Variants in CSMD2 observed in about 807,000 individuals in gnomAD.
CSMD2 encodes the protein CUB and sushi domain-containing protein 2.
A neutral mutation model predicts 398.5 loss-of-function variants in CSMD2; 130 were observed. The ratio of observed to expected loss-of-function variants is 0.33; its 90% CI spans 0.28 to 0.38. The LOEUF (loss-of-function observed/expected upper bound fraction) is 0.38, where lower values mean the gene tolerates loss of function less well. Ranked by LOEUF, CSMD2 falls within the 10% of genes least tolerant of loss-of-function variation. CSMD2 has a pLI of 1.00. For synonymous variants in CSMD2, 1,828 were observed against 1,908.5 expected (o/e 0.96, Z 1.10); for missense variants, 3,829 against 4,764.9 (o/e 0.80, Z 5.78).
Position 33,772,577 on chromosome 1 carries a change from C to A in CSMD2, c.1838G>T (p.Gly613Val). The A allele has an allele frequency of 6.2e-7, 1 of 1,613,148 alleles. No homozygotes were observed. Among genetic ancestry groups the A allele is most frequent in the Non-Finnish European group, 8.5e-7 (1 of 1,179,368 alleles). ...CCTCCCTGCTCACTTACACACGCAG[C>A]CTGGCTTCTTAGCCGACCATTGGTT... ...KNNQWSAKKP[G>V]CVFSCFFNFT... The change falls in exon 13 of 71, where the codon GGC becomes GTC. Residue 613 changes from glycine to valine, a missense_variant. Gly to Val is a moderately radical substitution (Grantham distance 109). Coordinates refer to ENST00000373381, the MANE Select transcript of CSMD2 (RefSeq NM_001281956.2).
At chr1:33,796,911 T>C (rs1375697176) in intron 10 of CSMD2, among the ~76,000 whole-genome samples, 1 of 152,166 alleles carries the variant, frequency 6.6e-6, no homozygotes, top group Non-Finnish European at 1.5e-5. Flanking sequence ...GTCTGTCTTA[T>C]GTGGTTGAGA....
intron 41 of CSMD2, among the ~76,000 whole-genome samples, chr1:33,607,672 G>A (rs1404272816): frequency 6.6e-6 from 1 of 152,230 alleles, no homozygotes; most frequent in African/African-American, 2.4e-5. Flanking sequence ...AATAGGGGTG[G>A]AGCCCAAGTC....
intron 3 of CSMD2, among the ~76,000 whole-genome samples, chr1:33,954,684 T>G (rs1370192591): frequency 6.6e-6 from 1 of 152,130 alleles, no homozygotes; most frequent in Non-Finnish European, 1.5e-5. Context: ...GAGGACATCA[T>G]GGTAAGTGAA....
intron 53 of CSMD2, among the ~76,000 whole-genome samples, chr1:33,567,099 TG>T (rs932348043): frequency 5.9e-5 from 9 of 151,534 alleles, no homozygotes; most frequent in African/African-American, 2.2e-4. Flanking sequence ...AATAACACAA[TG>T]AAAAAAAAGG....
At chr1:33,890,884 C>T (rs552538317) in intron 5 of CSMD2, among the ~76,000 whole-genome samples, 2 of 152,214 alleles carry the variant, frequency 1.3e-5, no homozygotes, top group South Asian at 4.1e-4. Context: ...ACACCTTATA[C>T]AAAAATTAAT....
intron 26 of CSMD2, among the ~76,000 whole-genome samples, chr1:33,660,686 C>T (rs1644101375): frequency 6.6e-6 from 1 of 152,210 alleles, no homozygotes; most frequent in Admixed American, 6.5e-5. Context: ...GTAGCTTTGA[C>T]CATGCTACTC....
At chr1:33,951,773 C>T (rs1244311076) in intron 3 of CSMD2, among the ~76,000 whole-genome samples, 1 of 152,200 alleles carries the variant, frequency 6.6e-6, no homozygotes. Flanking sequence ...AGCCATCTGT[C>T]CAGGTTTTCC....
chr1:34,117,312 A>C (rs530761418), intron 1 of CSMD2, among the ~76,000 whole-genome samples: 2 of 152,276 alleles, frequency 1.3e-5, no homozygotes, highest in Non-Finnish European at 2.9e-5. Context: ...AAGGATTATA[A>C]AAGACTACAA....
chr1:33,709,011 A>G, intron 22 of CSMD2, 78 bp downstream of exon 22: 1 of 1,294,232 alleles, frequency 7.7e-7, no homozygotes, highest in Non-Finnish European at 1.1e-6. Flanking sequence ...TGGATCATTC[A>G]CACAGAGACA....
intron 24 of CSMD2, among the ~76,000 whole-genome samples, chr1:33,697,168 A>G (rs1397062793): frequency 6.6e-6 from 1 of 152,144 alleles, no homozygotes; most frequent in Non-Finnish European, 1.5e-5. Context: ...TGCAAAGCAA[A>G]TAATTATCTT....
At chr1:34,015,265 G>A (rs952629120) in intron 3 of CSMD2, among the ~76,000 whole-genome samples, 9 of 152,326 alleles carry the variant, frequency 5.9e-5, no homozygotes, top group Non-Finnish European at 1.3e-4. Flanking sequence ...ATGGCTGTAT[G>A]TGAGCTCTGC....
rs182320840 is a variant in CSMD2, at chr1:33,893,805, C to T, written c.920+24289G>A. 3.4e-3 allele frequency among the ~76,000 whole-genome samples: 518 copies of T among 152,306 alleles called. 3 individuals carry two copies. The highest frequency in any genetic ancestry group is 0.012 in the African/African-American group (499 of 41,570). On this transcript the variant is annotated intron_variant, in intron 5 of 70. Transcript: ENST00000373381. ...ATCCACAGAACTTACCATTCTGTGG[C>T]TATACAAAGTAAGTTTCATAGCCCT...
intron 1 of CSMD2, among the ~76,000 whole-genome samples, chr1:34,094,676 T>C (rs2148389146): frequency 6.6e-6 from 1 of 152,272 alleles, no homozygotes; most frequent in South Asian, 2.1e-4. Context: ...CATTACATGA[T>C]GGTAAAGGGA....
At chr1:33,706,203 C>T (rs563825310) in intron 22 of CSMD2, among the ~76,000 whole-genome samples, 12 of 152,108 alleles carry the variant, frequency 7.9e-5, no homozygotes, top group South Asian at 6.2e-4. Flanking sequence ...TTAATTTATT[C>T]GTGCTATGTT....
At chr1:33,550,390 G>A (rs1033482185) in intron 55 of CSMD2, 40 bp from the exon 56 acceptor site, 1 of 1,587,452 alleles carries the variant, frequency 6.3e-7, no homozygotes, top group South Asian at 1.1e-5. Context: ...CTCTGCACAG[G>A]GATGGCTCAC....
intron 5 of CSMD2, among the ~76,000 whole-genome samples, chr1:33,885,854 C>A (rs1327218266): frequency 6.6e-6 from 1 of 152,158 alleles, no homozygotes; most frequent in Admixed American, 6.5e-5. Flanking sequence ...GCTTGGGAGA[C>A]AAAGTCTTGG....
At chr1:33,784,487 T>TCA (rs1653262372) in intron 12 of CSMD2, among the ~76,000 whole-genome samples, 1 of 152,200 alleles carries the variant, frequency 6.6e-6, no homozygotes, top group African/African-American at 2.4e-5. Context: ...CTTAGCCCCT[T>TCA]GAATTTTCAC....
chr1:33,978,427 C>T (rs1193830810), intron 3 of CSMD2, among the ~76,000 whole-genome samples: 1 of 152,168 alleles, frequency 6.6e-6, no homozygotes, highest in Non-Finnish European at 1.5e-5. Flanking sequence ...AGAGGGCAGA[C>T]AGGTAGACCC....
chr1:33,795,212 G>C (rs994330667), intron 10 of CSMD2, among the ~76,000 whole-genome samples: 11 of 152,178 alleles, frequency 7.2e-5, no homozygotes, highest in Non-Finnish European at 2.9e-5. Context: ...CGGGGTGTGA[G>C]CCTGTAGCAA....
Sources: allele counts gnomAD v4.1 joint callset (sites outside exome capture counted in the v4.1 genomes callset), GRCh38; gene constraint gnomAD v4.1.1; transcripts MANE v1.5; gene names NCBI Gene and HGNC (gene_info 2026-07-23, HGNC 2026-07-21).